The following TMCC1 variants were observed in gnomAD, a reference collection of about 807,000 sequenced individuals.
TMCC1 encodes transmembrane and coiled-coil domains protein 1.
In TMCC1, 15 loss-of-function variants were observed where a neutral mutation model predicts 52.4. That is an observed-to-expected ratio of 0.29 (90% CI 0.19 to 0.44). The LOEUF is 0.44. Ranked by LOEUF, TMCC1 falls within the 20% of genes least tolerant of loss-of-function variation. The pLI is 1.00. For synonymous variants in TMCC1, 279 were observed against 301.9 expected, an observed-to-expected ratio of 0.92 and a Z score of 0.79; for missense variants, 503 against 806.0, an observed-to-expected ratio of 0.62 and a Z score of 4.55.
chr3:129,876,283 G>A, intron 2 of TMCC1, among the ~76,000 whole-genome samples: 1 of 141,478 alleles, frequency 7.1e-6, no homozygotes. Context: ...TTAATGCCTG[G>A]CTCAAAAAAA....
At chr3:129,697,199 G>A (rs770886700) in intron 4 of TMCC1, among the ~76,000 whole-genome samples, 11 of 152,190 alleles carry the variant, frequency 7.2e-5, no homozygotes, top group African/African-American at 1.2e-4. Flanking sequence ...ACATCCAGGC[G>A]TTTCCATACA....
At chr3:129,655,933 G>GTGAGTAAAGGGC (rs1397217410) in intron 5 of TMCC1, among the ~76,000 whole-genome samples, 1 of 152,198 alleles carries the variant, frequency 6.6e-6, no homozygotes, top group East Asian at 1.9e-4. Flanking sequence ...AAAAATGAAT[G>GTGAGTAAAGGGC]TGAGTAAAGG....
intron 4 of TMCC1, among the ~76,000 whole-genome samples, chr3:129,755,399 A>C (rs2052910606): frequency 6.6e-6 from 1 of 152,204 alleles, no homozygotes; most frequent in Non-Finnish European, 1.5e-5. Context: ...TTTCATTAAA[A>C]GTGAAAACTA....
At chr3:129,705,353 CTCTTA>C (rs1309357981) in intron 4 of TMCC1, among the ~76,000 whole-genome samples, 2 of 151,980 alleles carry the variant, frequency 1.3e-5, no homozygotes, top group African/African-American at 2.4e-5. Flanking sequence ...AAATAATGTT[CTCTTA>C]TATTTCCAAA....
rs374902778 is a variant in TMCC1 at position 129,701,797 on chromosome 3, G to A, written c.577-30533C>T. On this transcript the variant is annotated intron_variant, in intron 4 of 6. Coordinates refer to ENST00000393238, the MANE Select transcript of TMCC1 (RefSeq NM_001017395.5). ...ACCCAGGGGACTCAAAGGTGCTGCA[G>A]AGAGCTGTTTTGAAATTGCAAAACA... 6.9e-4 allele frequency among the ~76,000 whole-genome samples: 105 copies of A among 152,236 alleles called. 2 individuals are homozygous for A. In the South Asian group the frequency reaches 0.021, roughly 30 times the overall value.
At chr3:129,805,903 G>C (rs1280269180) in intron 4 of TMCC1, among the ~76,000 whole-genome samples, 4 of 152,044 alleles carry the variant, frequency 2.6e-5, no homozygotes, top group African/African-American at 9.7e-5. Context: ...CTGCACTCCA[G>C]CCTGGGCCAC....
chr3:129,685,914 T>G (rs1049631710), intron 4 of TMCC1, among the ~76,000 whole-genome samples: 1 of 152,198 alleles, frequency 6.6e-6, no homozygotes, highest in Non-Finnish European at 1.5e-5. Context: ...CTAGGAGCCA[T>G]TCTTGACATC....
intron 5 of TMCC1, among the ~76,000 whole-genome samples, chr3:129,663,070 GT>G (rs985513471): frequency 6.6e-6 from 1 of 152,190 alleles, no homozygotes; most frequent in Non-Finnish European, 1.5e-5. Context: ...ACTTGAAAGT[GT>G]TTTGGTCACT....
chr3:129,884,401 G>A (rs1417457661), intron 1 of TMCC1, among the ~76,000 whole-genome samples: 1 of 152,156 alleles, frequency 6.6e-6, no homozygotes, highest in Non-Finnish European at 1.5e-5. Flanking sequence ...GCTGAGACGG[G>A]AGGATCACTT....
intron 4 of TMCC1, among the ~76,000 whole-genome samples, chr3:129,764,173 C>A (rs1263060286): frequency 1.3e-5 from 2 of 152,186 alleles, no homozygotes; most frequent in South Asian, 2.1e-4. Flanking sequence ...ATGTTTTTCT[C>A]TCTTTTGTAA....
Position 129,827,293 on chromosome 3 carries a change from C to T in TMCC1, c.576+510G>A, listed in dbSNP as rs114807001. Among the ~76,000 whole-genome samples the T allele has an allele frequency of 6.8e-3, 1,035 of 152,282 alleles. 11 individuals carry two copies. The highest frequency in any genetic ancestry group is 0.024 in the African/African-American group (988 of 41,544). ...AAACAATCTGTTTATTAATAGTACA[C>T]TATAATAATGTATATGCTCTACTGT... On this transcript the variant is annotated intron_variant, in intron 4 of 6. Coordinates refer to ENST00000393238, the MANE Select transcript of TMCC1 (RefSeq NM_001017395.5).
chr3:129,707,050 C>T (rs756700301), intron 4 of TMCC1, among the ~76,000 whole-genome samples: 2 of 151,920 alleles, frequency 1.3e-5, no homozygotes, highest in African/African-American at 2.4e-5. Context: ...GACTGGGCAG[C>T]GTAGAAATAG....
intron 2 of TMCC1, among the ~76,000 whole-genome samples, chr3:129,865,589 C>A (rs142537451): frequency 1.3e-5 from 2 of 152,260 alleles, no homozygotes; most frequent in East Asian, 3.9e-4. Context: ...GAAAATTGAT[C>A]TTATTTTCCA....
intron 4 of TMCC1, among the ~76,000 whole-genome samples, chr3:129,702,218 A>G (rs1001339269): frequency 1.3e-5 from 2 of 151,650 alleles, no homozygotes; most frequent in African/African-American, 4.9e-5. Flanking sequence ...AGTGCCGTTT[A>G]GAAATGCCAA....
At chr3:129,776,516 A>G (rs1247801684) in intron 4 of TMCC1, among the ~76,000 whole-genome samples, 1 of 152,230 alleles carries the variant, frequency 6.6e-6, no homozygotes, top group Non-Finnish European at 1.5e-5. Context: ...GAGGAATGTG[A>G]ACATTCAAAA....
At chr3:129,853,788 C>CA (rs1206899844) in intron 2 of TMCC1, among the ~76,000 whole-genome samples, 3 of 151,708 alleles carry the variant, frequency 2.0e-5, no homozygotes, top group African/African-American at 7.3e-5. Flanking sequence ...GATCTTCCCC[C>CA]AAAAAAACAA....
intron 4 of TMCC1, among the ~76,000 whole-genome samples, chr3:129,801,175 G>A (rs758577292): frequency 7.9e-5 from 12 of 151,960 alleles, no homozygotes; most frequent in African/African-American, 2.2e-4. Flanking sequence ...TGCCTGCCTC[G>A]GCCTCCCAAA....
chr3:129,841,016 G>A (rs1271643787), intron 2 of TMCC1, among the ~76,000 whole-genome samples: 2 of 152,182 alleles, frequency 1.3e-5, no homozygotes, highest in African/African-American at 4.8e-5. Context: ...GGGAAAGTTT[G>A]GAACTTCCTA....
chr3:129,859,693 C>A (rs1490444183), intron 2 of TMCC1, among the ~76,000 whole-genome samples: 2 of 150,574 alleles, frequency 1.3e-5, no homozygotes, highest in Admixed American at 1.3e-4. Context: ...CACATACACA[C>A]GTATATACAT....
Sources: gnomAD v4.1 joint callset for allele counts (sites outside exome capture counted in the v4.1 genomes callset) on GRCh38, gnomAD v4.1.1 for gene constraint, MANE v1.5 for transcripts, NCBI Gene and HGNC (gene_info 2026-07-23, HGNC 2026-07-21) for gene names.